Variants in PDE7B observed in about 807,000 individuals in gnomAD.
PDE7B encodes 3',5'-cyclic-AMP phosphodiesterase 7B.
Under a neutral mutation model 56.2 loss-of-function variants are expected in PDE7B, and 29 were observed. The observed-to-expected ratio is 0.52, with a 90% CI of 0.38 to 0.70. The LOEUF (loss-of-function observed/expected upper bound fraction) is 0.70. Ranked by LOEUF, PDE7B falls within the 30% of genes least tolerant of loss-of-function variation. The pLI is 0.00. For missense variants in PDE7B, 490 were observed against 565.0 expected, an observed-to-expected ratio of 0.87 and a Z score of 1.35; for synonymous variants, 197 against 196.9, an observed-to-expected ratio of 1.00 and a Z score of 0.00.
intron 1 of PDE7B, among the ~76,000 whole-genome samples, chr6:135,923,631 G>A (rs991374546): frequency 6.6e-6 from 1 of 151,998 alleles, no homozygotes; most frequent in Non-Finnish European, 1.5e-5. Flanking sequence ...ATATAAAATA[G>A]AAAGAAATGA....
At chr6:136,184,532 A>T (rs561840277) in intron 11 of PDE7B, among the ~76,000 whole-genome samples, 1 of 152,332 alleles carries the variant, frequency 6.6e-6, no homozygotes, top group Admixed American at 6.5e-5. Context: ...CGTAGAGAAC[A>T]TCTCCATCAT....
chr6:135,986,109 C>T (rs1416176269), intron 2 of PDE7B, among the ~76,000 whole-genome samples: 1 of 152,198 alleles, frequency 6.6e-6, no homozygotes, highest in Non-Finnish European at 1.5e-5. Flanking sequence ...CTCGTATTCA[C>T]TAGAACTATC....
chr6:136,134,557 A>C (rs1778176716), intron 3 of PDE7B, among the ~76,000 whole-genome samples: 1 of 152,024 alleles, frequency 6.6e-6, no homozygotes, highest in Non-Finnish European at 1.5e-5. Flanking sequence ...TAATTCATTT[A>C]AATTTCATTC....
At chr6:136,033,706 C>T (rs1009883984) in intron 2 of PDE7B, among the ~76,000 whole-genome samples, 2 of 152,130 alleles carry the variant, frequency 1.3e-5, no homozygotes, top group African/African-American at 4.8e-5. Flanking sequence ...TACTTGCTGG[C>T]ATTATTTCTT....
At chr6:136,004,891 G>C (rs1283739634) in intron 2 of PDE7B, among the ~76,000 whole-genome samples, 2 of 151,782 alleles carry the variant, frequency 1.3e-5, no homozygotes, top group African/African-American at 4.8e-5. Context: ...AGCCCACATC[G>C]CCAAGTCAAT....
At chr6:136,143,234 G>C (rs1778357877) in intron 3 of PDE7B, among the ~76,000 whole-genome samples, 1 of 151,938 alleles carries the variant, frequency 6.6e-6, no homozygotes, top group Non-Finnish European at 1.5e-5. Context: ...ATGTTTCAAA[G>C]ACTGGCCCAA....
At chr6:135,928,479 A>T (rs903991097) in intron 1 of PDE7B, among the ~76,000 whole-genome samples, 2 of 103,342 alleles carry the variant, frequency 1.9e-5, no homozygotes, top group Admixed American at 1.3e-4. Flanking sequence ...TTATATATAT[A>T]TATTTATTTA....
intron 2 of PDE7B, among the ~76,000 whole-genome samples, chr6:136,084,211 A>AGCG (rs1380593781): frequency 1.3e-5 from 2 of 152,212 alleles, no homozygotes; most frequent in Non-Finnish European, 2.9e-5. Context: ...TTCCAAACCC[A>AGCG]AATATCCCAA....
At chr6:135,893,151 T>C (rs954162000) in intron 1 of PDE7B, among the ~76,000 whole-genome samples, 6 of 151,940 alleles carry the variant, frequency 3.9e-5, no homozygotes, top group Admixed American at 2.6e-4. Flanking sequence ...ATGTGCCATG[T>C]TGGTGTGCTG....
At chr6:135,934,827 A>ATATATATTTATTATATATATATTT (rs1562444994) in intron 1 of PDE7B, among the ~76,000 whole-genome samples, 27 of 75,304 alleles carry the variant, frequency 3.6e-4, no homozygotes, top group African/African-American at 9.2e-4. Flanking sequence ...TATATTTAAT[A>ATATATATTTATTATATATATATTT]AATAAATATA....
intron 9 of PDE7B, among the ~76,000 whole-genome samples, chr6:136,174,201 T>G (rs1355942463): frequency 6.6e-6 from 1 of 152,192 alleles, no homozygotes; most frequent in Non-Finnish European, 1.5e-5. Flanking sequence ...GACCTTTAGT[T>G]TAGCAAAATT....
chr6:135,982,966 C>T (rs1318556841), intron 2 of PDE7B, among the ~76,000 whole-genome samples: 1 of 152,140 alleles, frequency 6.6e-6, no homozygotes, highest in Non-Finnish European at 1.5e-5. Context: ...CTGTTTTGTC[C>T]TCATCTAGTT....
chr6:135,924,927 A>T (rs1162915362), intron 1 of PDE7B, among the ~76,000 whole-genome samples: 1 of 150,996 alleles, frequency 6.6e-6, no homozygotes, highest in African/African-American at 2.4e-5. Context: ...AAACACAAAC[A>T]TTTGAAGGCT....
At chr6:136,080,021 C>T (rs1393200308) in intron 2 of PDE7B, among the ~76,000 whole-genome samples, 1 of 152,098 alleles carries the variant, frequency 6.6e-6, no homozygotes, top group Non-Finnish European at 1.5e-5. Context: ...ACCAACCACC[C>T]ACCTGCAGTT....
chr6:136,070,774 A>G (rs1777037093), intron 2 of PDE7B, among the ~76,000 whole-genome samples: 1 of 152,180 alleles, frequency 6.6e-6, no homozygotes, highest in African/African-American at 2.4e-5. Context: ...ACCATAATAG[A>G]TTGATTTTCT....
At chr6:135,882,342 T>G (rs897789656) in intron 1 of PDE7B, among the ~76,000 whole-genome samples, 2 of 152,158 alleles carry the variant, frequency 1.3e-5, no homozygotes, top group Non-Finnish European at 2.9e-5. Flanking sequence ...AATAAAAAAG[T>G]CTTCAACTAA....
intron 2 of PDE7B, among the ~76,000 whole-genome samples, chr6:136,053,896 T>C (rs920342374): frequency 2.0e-5 from 3 of 152,228 alleles, no homozygotes; most frequent in African/African-American, 7.2e-5. Context: ...GCCCACTTTT[T>C]GATGGCGTTG....
At chr6:136,028,858 C>T (rs374971977) in intron 2 of PDE7B, among the ~76,000 whole-genome samples, 2 of 152,208 alleles carry the variant, frequency 1.3e-5, no homozygotes, top group African/African-American at 4.8e-5. Flanking sequence ...AACATATTCA[C>T]AGGTTCCGAG....
chr6:135,929,257 T>G (rs1774253345), intron 1 of PDE7B, among the ~76,000 whole-genome samples: 1 of 152,164 alleles, frequency 6.6e-6, no homozygotes. Flanking sequence ...ATATTTTTTT[T>G]TTACAAAAAT....
Sources: gnomAD v4.1 joint callset for allele counts (sites outside exome capture counted in the v4.1 genomes callset) on GRCh38, gnomAD v4.1.1 for gene constraint, MANE v1.5 for transcripts, NCBI Gene and HGNC (gene_info 2026-07-23, HGNC 2026-07-21) for gene names.